STXBP3: variants seen among roughly 807,000 people sequenced by gnomAD.
The protein encoded by STXBP3 is syntaxin binding protein 3.
STXBP3 carries 41 observed loss-of-function variants against 85.7 expected under a neutral mutation model. The observed-to-expected ratio is 0.48, with a 90% confidence interval of 0.37 to 0.62. The LOEUF (loss-of-function observed/expected upper bound fraction) is 0.62, where lower values mean the gene tolerates loss of function less well. STXBP3 is among the 20% of genes least tolerant of loss of function. STXBP3 has a pLI of 0.00. For missense variants in STXBP3, 563 were observed against 703.1 expected (o/e 0.80, Z 2.25); for synonymous variants, 229 against 231.7 (o/e 0.99, Z 0.10).
Position 108,772,404 on chromosome 1 carries a change from GATATCTATCTGTATATA to G in STXBP3, c.439-260_439-244del, listed in dbSNP as rs1557806680. Among the ~76,000 whole-genome samples the G allele has an allele frequency of 9.5e-4, 40 of 41,956 alleles. 7 individuals carry two copies. Among genetic ancestry groups the G allele is most frequent in the African/African-American group, 4.1e-3 (39 of 9,604 alleles). 27.5% of individuals were successfully genotyped at this position (41,956 alleles called of 152,430 possible). A position where few individuals can be genotyped will look rare whatever the true frequency, so the allele number is the denominator to read the frequency against. On this transcript the variant is annotated intron_variant, in intron 6 of 18. Coordinates refer to ENST00000370008, the MANE Select transcript of STXBP3 (RefSeq NM_007269.4). ...GATATCTGTATATATAAATACATAT[GATATCTATCTGTATATA>G]TAAATACATATGATATCTATCTGTA...
chr1:108,801,562 G>T (rs1321864971), intron 17 of STXBP3, among the ~76,000 whole-genome samples: 1 of 152,056 alleles, frequency 6.6e-6, no homozygotes, highest in Non-Finnish European at 1.5e-5. Context: ...GACACTTCAA[G>T]CCTGTATGGC....
rs1290035370 is a variant in STXBP3, at chr1:108,809,032, G to A, written c.*155G>A. The A allele has an allele frequency of 5.6e-6, 3 of 536,994 alleles. No homozygotes were observed. Among genetic ancestry groups the A allele is most frequent in the Non-Finnish European group, 9.6e-6 (3 of 313,152 alleles). 33.3% of individuals were successfully genotyped at this position (536,994 alleles called of 1,614,324 possible). ...AAGGAACTGTTTATGATTATTACTG[G>A]ATTTGTCATTTTTGATAATTTAAAT... On this transcript the variant is annotated 3_prime_UTR_variant, in exon 19 of 19. Transcript: ENST00000370008.
intron 1 of STXBP3, among the ~76,000 whole-genome samples, chr1:108,749,659 T>A (rs1271649677): frequency 6.6e-6 from 1 of 152,230 alleles, no homozygotes; most frequent in Non-Finnish European, 1.5e-5. Context: ...CATACCTACC[T>A]GTGACTGTGT....
At chr1:108,764,501 T>A (rs115995353) in intron 6 of STXBP3, among the ~76,000 whole-genome samples, 3 of 152,222 alleles carry the variant, frequency 2.0e-5, no homozygotes, top group African/African-American at 4.8e-5. Flanking sequence ...TCAACTAATA[T>A]ACATTCCCAC....
At chr1:108,791,731 T>C (rs1662979774) in intron 11 of STXBP3, among the ~76,000 whole-genome samples, 1 of 152,152 alleles carries the variant, frequency 6.6e-6, no homozygotes. Flanking sequence ...CACTCTCATA[T>C]AACCACTACC....
Position 108,807,424 on chromosome 1 carries a change from AT to A in STXBP3, c.1561del (p.Tyr521IlefsTer2). The A allele has an allele frequency of 1.9e-6, 3 of 1,609,346 alleles. No homozygotes were observed. The highest frequency in any genetic ancestry group is 2.5e-6 in the Non-Finnish European group (3 of 1,178,846). On this transcript the variant is annotated frameshift_variant, in exon 18 of 19. Transcript: ENST00000370008. LOFTEE classifies it high-confidence loss of function. ...AVSARQKPRA[N>X]YLEDRKNGSK... ...AGTGCTCGCCAGAAACCCAGAGCTAATTATTTAGAAGACCGAAAAAATGGGT... is the reference window on the plus strand; with the variant it reads ...AGTGCTCGCCAGAAACCCAGAGCTAATATTTAGAAGACCGAAAAAATGGGT...
In STXBP3 at chr1:108,772,715, C is replaced by G. The variant is rs376399706; in HGVS notation, c.489C>G (p.Asp163Glu). The G allele has an allele frequency of 2.4e-5, 39 of 1,602,492 alleles. No individual in the cohort carries two copies. In the Middle Eastern group the frequency reaches 5.0e-4, roughly 20 times the overall value. ...CATTCTATTACTGTTATAGTCCAGA[C>G]CCTGGTAATGCAAAGGGAAAAGATG... is the stretch of plus-strand genomic sequence containing the variant. ...PDAFYYCYSPDPGNAKGKDAI... is the reference protein window; with the variant it reads ...PDAFYYCYSPEPGNAKGKDAI... The change falls in exon 7 of 19, where the codon GAC (aspartate) becomes GAG (glutamate). Residue 163 changes from aspartate to glutamate, a missense_variant. Coordinates refer to ENST00000370008, the MANE Select transcript of STXBP3 (RefSeq NM_007269.4).
At chr1:108,792,763 G>A (rs1663004410) in intron 11 of STXBP3, among the ~76,000 whole-genome samples, 1 of 152,160 alleles carries the variant, frequency 6.6e-6, no homozygotes. Context: ...GTTTTGTTCT[G>A]GCAGGCAGTT....
chr1:108,787,254 A>C (rs1662851985), intron 11 of STXBP3, among the ~76,000 whole-genome samples: 1 of 152,130 alleles, frequency 6.6e-6, no homozygotes, highest in Admixed American at 6.6e-5. Context: ...ACAGGCAGGT[A>C]CCAGTGCACC....
chr1:108,756,949 A>G (rs1419425011), intron 4 of STXBP3, 183 bp downstream of exon 4: 4 of 386,640 alleles, frequency 1.0e-5, no homozygotes, highest in Admixed American at 8.9e-5. Context: ...ATGAGAATGT[A>G]TAAGTAAAAG....
chr1:108,757,483 T>C (rs1490431461), intron 4 of STXBP3, among the ~76,000 whole-genome samples: 1 of 152,060 alleles, frequency 6.6e-6, no homozygotes, highest in Non-Finnish European at 1.5e-5. Context: ...TTTTATATCT[T>C]ATCTGTAATA....
chr1:108,771,626 A>G lies in STXBP3; in HGVS notation c.439-1039A>G, dbSNP rs1371591010. ...AAATATATATGATATATATCTATATATCATATATAAATATATATGATATAT... is the reference window on the plus strand; with the variant it reads ...AAATATATATGATATATATCTATATGTCATATATAAATATATATGATATAT... On this transcript the variant is annotated intron_variant, in intron 6 of 18. Transcript: ENST00000370008. 6.3e-5 allele frequency among the ~76,000 whole-genome samples: 4 copies of G among 63,642 alleles called. 1 individual carries two copies. Among genetic ancestry groups the G allele is most frequent in the African/African-American group, 2.7e-4 (4 of 14,950 alleles). The allele number at this position is 63,642 out of a possible 152,430, so 41.8% of individuals were successfully genotyped here.
chr1:108,804,250 T>A (rs1165334286), intron 17 of STXBP3, among the ~76,000 whole-genome samples: 1 of 152,144 alleles, frequency 6.6e-6, no homozygotes, highest in Non-Finnish European at 1.5e-5. Context: ...TTCTTCAGAT[T>A]TAGTTTTCAG....
chr1:108,782,934 A>G (rs1193298010), intron 11 of STXBP3, among the ~76,000 whole-genome samples: 1 of 152,148 alleles, frequency 6.6e-6, no homozygotes, highest in East Asian at 1.9e-4. Flanking sequence ...ACATAGTCTC[A>G]CTCTGCCATG....
In STXBP3 at chr1:108,801,659, T is replaced by TA. The variant is rs1553198908; in HGVS notation, c.1535+1354_1535+1355insA. ...CTTAAGTCTCCCTCCTTTTTTTAAT[T>TA]TTTTTTTTTTTTTTAAATAGAGGCA... On this transcript the variant is annotated intron_variant, in intron 17 of 18. Coordinates refer to ENST00000370008, the MANE Select transcript of STXBP3 (RefSeq NM_007269.4). 1.8e-4 allele frequency among the ~76,000 whole-genome samples: 27 copies of TA among 147,296 alleles called. No homozygotes were observed. The East Asian group carries it at 2.6e-3, about 14-fold the overall frequency.
rs546058844 is a variant in STXBP3, at chr1:108,772,440, A to G, written c.439-225A>G. Among the ~76,000 whole-genome samples the G allele has an allele frequency of 2.2e-5, 3 of 139,504 alleles. No individual in the cohort carries two copies. In the East Asian group the frequency reaches 6.0e-4, roughly 28 times the overall value. The allele number at this position is 139,504 out of a possible 152,430, so 91.5% of individuals were successfully genotyped here. ...GTATATATAAATACATATGATATCT[A>G]TCTGTATAATATATAAATACATATA... On this transcript the variant is annotated intron_variant, in intron 6 of 18. Transcript: ENST00000370008.
At chr1:108,790,583 A>C (rs1175820123) in intron 11 of STXBP3, among the ~76,000 whole-genome samples, 3 of 151,986 alleles carry the variant, frequency 2.0e-5, no homozygotes, top group Non-Finnish European at 4.4e-5. Context: ...TTATTGATAT[A>C]GTTAAATTTA....
chr1:108,776,344 A>G lies in STXBP3; in HGVS notation c.605A>G (p.Asp202Gly), dbSNP rs762566753. The change falls in exon 8 of 19, where the codon GAT becomes GGT. Residue 202 changes from aspartate (D) to glycine (G), a missense_variant. By Grantham distance (94) the Asp-to-Gly change is moderately conservative. Transcript: ENST00000370008. Reference protein sequence around the residue: ...PGVRYKSKPLDNASKLAQLVE... With the variant: ...PGVRYKSKPLGNASKLAQLVE... ...TTTTCCATTTCTAGTAAACCTCTAG[A>G]TAATGCCAGTAAGCTTGCACAGCTT... is the stretch of plus-strand genomic sequence containing the variant. 1 of 1,607,272 alleles carries G rather than the reference A, an allele frequency of 6.2e-7. No individual in the cohort carries two copies.
intron 14 of STXBP3, 104 bp from the exon 15 acceptor site, chr1:108,796,516 C>CAAAA: frequency 1.7e-6 from 2 of 1,207,818 alleles, no homozygotes; most frequent in Non-Finnish European, 2.3e-6. Flanking sequence ...TATAATTTGA[C>CAAAA]TGTTTTTTAT....
Sources: gnomAD v4.1 joint callset for allele counts (sites outside exome capture counted in the v4.1 genomes callset) on GRCh38, gnomAD v4.1.1 for gene constraint, MANE v1.5 for transcripts, NCBI Gene and HGNC (gene_info 2026-07-23, HGNC 2026-07-21) for gene names.